The following UROC1 variants were observed in gnomAD, a reference collection of about 807,000 sequenced individuals.
The protein encoded by UROC1 is urocanate hydratase 1.
In UROC1, 79 loss-of-function variants were observed where a neutral mutation model predicts 89.5. The ratio of observed to expected loss-of-function variants is 0.88; its 90% CI spans 0.74 to 1.06. The LOEUF is 1.06. UROC1 is among the 50% of genes least tolerant of loss of function. The pLI is 0.00. For missense variants in UROC1, 885 were observed against 907.8 expected (o/e 0.97, Z 0.32); for synonymous variants, 361 against 354.8 (o/e 1.02, Z -0.20).
intron 18 of UROC1, among the ~76,000 whole-genome samples, chr3:126,486,675 G>A (rs2107533027): frequency 6.6e-6 from 1 of 152,374 alleles, no homozygotes; most frequent in Non-Finnish European, 1.5e-5. Flanking sequence ...ATGTGAGGGT[G>A]AGCGCACAGC....
chr3:126,501,895 G>A (rs1935931479), intron 9 of UROC1: 1 of 1,599,382 alleles, frequency 6.3e-7, no homozygotes, highest in African/African-American at 1.3e-5. Flanking sequence ...CAGTCCCAGG[G>A]CAGCAGGGAG....
rs560560709 is a variant in UROC1, at chr3:126,502,586, ATGTG to A, written c.903-1310_903-1307del. On this transcript the variant is annotated intron_variant, in intron 9 of 19. Coordinates refer to ENST00000290868, the MANE Select transcript of UROC1 (RefSeq NM_144639.3). The stretch of plus-strand genomic sequence containing the variant: ...TATGCATGTTTGTGTTTGTGTGTGC[ATGTG>A]TGTATGTCTGTGTCTGTATTTATGT... Among the ~76,000 whole-genome samples the A allele has an allele frequency of 7.3e-4, 109 of 148,728 alleles. 1 individual carries two copies. Among genetic ancestry groups the A allele is most frequent in the Non-Finnish European group, 1.2e-3 (79 of 67,288 alleles).
Position 126,501,728 on chromosome 3 carries a change from T to C in UROC1, c.903-448A>G, listed in dbSNP as rs1412734528. 6.6e-6 allele frequency: 10 copies of C among 1,526,488 alleles called. No individual in the cohort carries two copies. In the Admixed American group the frequency reaches 1.8e-4, roughly 27 times the overall value. 94.6% of individuals were successfully genotyped at this position (1,526,488 alleles called of 1,614,324 possible). A position where few individuals can be genotyped will look rare whatever the true frequency, so the allele number is the denominator to read the frequency against. Reference sequence around the variant, plus strand: ...AGATTTGAACAGGCCTTGCAGGTAGTAGAGATATCAAAAAGCAGCAATGCA... The same window carrying C: ...AGATTTGAACAGGCCTTGCAGGTAGCAGAGATATCAAAAAGCAGCAATGCA... On this transcript the variant is annotated intron_variant, in intron 9 of 19. Transcript: ENST00000290868.
Position 126,495,174 on chromosome 3 carries a change from C to G in UROC1, c.1509+864G>C, listed in dbSNP as rs746382177. Among the ~76,000 whole-genome samples, 49 of 152,196 alleles carry G rather than the reference C, an allele frequency of 3.2e-4. 1 individual carries two copies. Among genetic ancestry groups the G allele is most frequent in the South Asian group, 1.5e-3 (7 of 4,824 alleles). On this transcript the variant is annotated intron_variant, in intron 15 of 19. Coordinates refer to ENST00000290868, the MANE Select transcript of UROC1 (RefSeq NM_144639.3). ...GTCGCTGCCCCAGAGCCCCAGGCCACTTTCCCCCTCTACGTTTTAAATTAT... is the reference window on the plus strand; with the variant it reads ...GTCGCTGCCCCAGAGCCCCAGGCCAGTTTCCCCCTCTACGTTTTAAATTAT...
chr3:126,508,477 T>A lies in UROC1; in HGVS notation c.352-2A>T. The A allele has an allele frequency of 6.2e-7, 1 of 1,613,146 alleles. No homozygotes were observed. The highest frequency in any genetic ancestry group is 8.5e-7 in the Non-Finnish European group (1 of 1,179,562). ...ATAGGTCACCAGCTCCTGGGGAAACTGAGGAAGACACGGGGTCATCTGAGA... is the reference window on the plus strand; with the variant it reads ...ATAGGTCACCAGCTCCTGGGGAAACAGAGGAAGACACGGGGTCATCTGAGA... On this transcript the variant is annotated splice_acceptor_variant, in intron 3 of 19. Coordinates refer to ENST00000290868, the MANE Select transcript of UROC1 (RefSeq NM_144639.3). LOFTEE classifies it high-confidence loss of function.
At chr3:126,509,336 C>T (rs1426050786) in intron 3 of UROC1, among the ~76,000 whole-genome samples, 1 of 151,646 alleles carries the variant, frequency 6.6e-6, no homozygotes, top group Admixed American at 6.6e-5. Context: ...CATATGGCTG[C>T]TAGAATATTT....
chr3:126,486,667 G>A (rs116675558), intron 18 of UROC1, among the ~76,000 whole-genome samples: 2,655 of 152,352 alleles, frequency 0.017, 87 homozygotes, highest in African/African-American at 0.057. Context: ...GTCCAGGAAT[G>A]TGAGGGTGAG....
Position 126,509,484 on chromosome 3 carries a change from T to A in UROC1, c.351+101A>T. 4.3e-6 allele frequency: 5 copies of A among 1,171,524 alleles called. No individual in the cohort carries two copies. The South Asian group carries it at 5.3e-5, about 12-fold the overall frequency. 72.6% of individuals were successfully genotyped at this position (1,171,524 alleles called of 1,614,324 possible). ...TACTAGCTTTGCAACTTTCTGTGAA[T>A]CTATAATTATCTCAAAATTAAGAGC... On this transcript the variant is annotated intron_variant, in intron 3 of 19. Coordinates refer to ENST00000290868, the MANE Select transcript of UROC1 (RefSeq NM_144639.3).
intron 16 of UROC1, among the ~76,000 whole-genome samples, chr3:126,489,601 G>A (rs1260311521): frequency 1.3e-5 from 2 of 152,200 alleles, no homozygotes; most frequent in African/African-American, 4.8e-5. Flanking sequence ...AGCACTCACA[G>A]CCACCCTGTT....
intron 1 of UROC1, among the ~76,000 whole-genome samples, chr3:126,513,406 G>A (rs1314838348): frequency 6.6e-6 from 1 of 152,252 alleles, no homozygotes; most frequent in Non-Finnish European, 1.5e-5. Context: ...GCCAGGAGCT[G>A]CAGCCAGGCT....
intron 15 of UROC1, among the ~76,000 whole-genome samples, chr3:126,492,961 T>C (rs1375840387): frequency 2.0e-5 from 3 of 152,152 alleles, no homozygotes; most frequent in Non-Finnish European, 4.4e-5. Flanking sequence ...CTGTGAGTCT[T>C]ATGGGAAGAT....
At position 126,500,850 on chromosome 3, in the gene UROC1, G is replaced by A. The variant is rs146646836; in HGVS notation, c.990C>T (p.Asp330=). Residue 330 remains aspartate, a synonymous_variant, in exon 11 of 20, where the codon GAC becomes GAT. Transcript: ENST00000290868. The part of the protein sequence containing the change: ...ALWERLVHEL[D]TTGECLVDLG... The stretch of plus-strand genomic sequence containing the variant: ...GGTCCACCAAGCACTCCCCCGTCGT[G>A]TCCAATTCGTGGACCAGGCGCTCCC... 35 of 1,613,862 alleles carry A rather than the reference G, an allele frequency of 2.2e-5. No homozygotes were observed. The African/African-American group carries it at 4.4e-4, about 20-fold the overall frequency.
chr3:126,515,340 C>T (rs1171604590), intron 1 of UROC1, among the ~76,000 whole-genome samples: 1 of 151,786 alleles, frequency 6.6e-6, no homozygotes, highest in Non-Finnish European at 1.5e-5. Flanking sequence ...GGGGCAGGAC[C>T]ACCTGCTTGC....
At chr3:126,505,614 G>T in intron 8 of UROC1, 87 bp downstream of exon 8, 1 of 1,551,510 alleles carries the variant, frequency 6.4e-7, no homozygotes, top group East Asian at 2.4e-5. Context: ...GGGGGTCTGT[G>T]GTGTAAGTGA....
In UROC1 at chr3:126,504,054, G is replaced by C. The variant is rs1244215238; in HGVS notation, c.843C>G (p.His281Gln). 1 of 1,613,940 alleles carries C rather than the reference G, an allele frequency of 6.2e-7. No homozygotes were observed. The highest frequency in any genetic ancestry group is 8.5e-7 in the Non-Finnish European group (1 of 1,180,048). ...EVDKAALEKR[H>Q]RQGWLMEVTD... ...TCACTTCCATCAGCCAGCCCTGCCT[G>C]TGGCGTTTCTCAAGGGCTGCTTTAT... Residue 281 changes from histidine (H) to glutamine (Q), a missense_variant, in exon 9 of 20, where the codon CAC (histidine) becomes CAG (glutamine). Coordinates refer to ENST00000290868, the MANE Select transcript of UROC1 (RefSeq NM_144639.3).
chr3:126,501,901 G>T (rs1197989235), intron 9 of UROC1: 3 of 1,599,230 alleles, frequency 1.9e-6, no homozygotes, highest in Non-Finnish European at 2.5e-6. Flanking sequence ...CAGGGCAGCA[G>T]GGAGGCCGGC....
At chr3:126,517,055 A>G (rs977278774) in intron 1 of UROC1, among the ~76,000 whole-genome samples, 4 of 152,104 alleles carry the variant, frequency 2.6e-5, no homozygotes, top group African/African-American at 9.7e-5. Flanking sequence ...GGAGGTTCCC[A>G]GACAGGGCAC....
At chr3:126,493,983 G>A (rs1935716601) in intron 15 of UROC1, among the ~76,000 whole-genome samples, 1 of 152,046 alleles carries the variant, frequency 6.6e-6, no homozygotes. Flanking sequence ...CCTCCCTCAT[G>A]GGTTCCTAGA....
intron 15 of UROC1, among the ~76,000 whole-genome samples, chr3:126,495,587 T>C (rs1935757689): frequency 6.6e-6 from 1 of 152,220 alleles, no homozygotes; most frequent in Non-Finnish European, 1.5e-5. Flanking sequence ...GCTTAGCCAT[T>C]GTGAATAGTG....
Sources: gnomAD v4.1 joint callset for allele counts (sites outside exome capture counted in the v4.1 genomes callset) on GRCh38, gnomAD v4.1.1 for gene constraint, MANE v1.5 for transcripts, NCBI Gene and HGNC (gene_info 2026-07-23, HGNC 2026-07-21) for gene names.